Variants in DNAH11 observed in about 807,000 individuals in gnomAD.
DNAH11 encodes dynein axonemal heavy chain 11.
Under a neutral mutation model 526.0 loss-of-function variants are expected in DNAH11, and 442 were observed. That is an observed-to-expected ratio of 0.84 (90% CI 0.78 to 0.91). DNAH11 has a LOEUF of 0.91. DNAH11 is among the 40% of genes least tolerant of loss of function. The probability of loss-of-function intolerance (pLI) is 0.00; values close to 1 mark genes in which losing one functional copy is unlikely to be tolerated. For synonymous variants in DNAH11, 2,461 were observed against 1,935.9 expected, an observed-to-expected ratio of 1.27 and a Z score of -7.12; for missense variants, 6,989 against 5,448.7, an observed-to-expected ratio of 1.28 and a Z score of -8.90.
intron 64 of DNAH11, among the ~76,000 whole-genome samples, chr7:21,817,791 A>G (rs931847258): frequency 1.3e-5 from 2 of 152,114 alleles, no homozygotes; most frequent in Non-Finnish European, 2.9e-5. Flanking sequence ...AAATAAAATG[A>G]TAGCTCACCA....
At chr7:21,596,889 G>T (rs1274209288) in intron 14 of DNAH11, among the ~76,000 whole-genome samples, 1 of 152,190 alleles carries the variant, frequency 6.6e-6, no homozygotes, top group African/African-American at 2.4e-5. Flanking sequence ...ATGATTATTT[G>T]TTTCCATAAG....
chr7:21,784,694 A>G (rs1003831906), intron 58 of DNAH11, among the ~76,000 whole-genome samples, 154 bp downstream of exon 58: 6 of 152,246 alleles, frequency 3.9e-5, no homozygotes, highest in Non-Finnish European at 5.9e-5. Context: ...GAAACAAACC[A>G]TTGAGGTCAT....
At chr7:21,812,136 T>C (rs966602858) in intron 63 of DNAH11, among the ~76,000 whole-genome samples, 3 of 152,272 alleles carry the variant, frequency 2.0e-5, no homozygotes, top group Admixed American at 6.5e-5. Context: ...AGTGGAATCA[T>C]CATCTACATG....
At chr7:21,644,565 G>A (rs1478390400) in intron 28 of DNAH11, among the ~76,000 whole-genome samples, 1 of 152,206 alleles carries the variant, frequency 6.6e-6, no homozygotes, top group East Asian at 1.9e-4. Flanking sequence ...TGTGGAGGAA[G>A]TGGTTGCTCC....
intron 43 of DNAH11, among the ~76,000 whole-genome samples, chr7:21,718,792 G>A (rs553417784): frequency 7.9e-5 from 12 of 152,226 alleles, no homozygotes; most frequent in African/African-American, 2.9e-4. Context: ...AAGTGAGTGT[G>A]TTACCAAATT....
intron 36 of DNAH11, among the ~76,000 whole-genome samples, chr7:21,702,071 A>G (rs542061759): frequency 6.6e-6 from 1 of 152,288 alleles, no homozygotes; most frequent in Non-Finnish European, 1.5e-5. Context: ...AAAAAATGTA[A>G]TTGGTCCCAG....
intron 30 of DNAH11, among the ~76,000 whole-genome samples, chr7:21,677,874 C>T (rs1782962325): frequency 6.6e-6 from 1 of 152,152 alleles, no homozygotes; most frequent in Non-Finnish European, 1.5e-5. Flanking sequence ...TGTATGTTTT[C>T]TTTGGGAAAA....
intron 45 of DNAH11, among the ~76,000 whole-genome samples, chr7:21,729,782 A>T (rs184448504): frequency 6.6e-6 from 1 of 152,294 alleles, no homozygotes; most frequent in South Asian, 2.1e-4. Flanking sequence ...AGTCTCTTCA[A>T]TGCAATCTAG....
Position 21,789,349 on chromosome 7 carries a change from G to A in DNAH11, c.10026+7G>A. ...TATCAGGAAAAAGCTTGTGGTGAGT[G>A]CAAACTATGACATTGAAAAGGTTCC... is the stretch of plus-strand genomic sequence containing the variant. On this transcript the variant is annotated splice_region_variant and intron_variant, in intron 61 of 81. Coordinates refer to ENST00000409508, the MANE Select transcript of DNAH11 (RefSeq NM_001277115.2). The A allele has an allele frequency of 6.4e-7, 1 of 1,555,274 alleles. No homozygotes were observed.
chr7:21,862,126 T>TC, intron 69 of DNAH11, 103 bp downstream of exon 69: 1 of 1,235,878 alleles, frequency 8.1e-7, no homozygotes, highest in East Asian at 2.7e-5. Flanking sequence ...AATAGACTTT[T>TC]TTTTTTTTTT....
rs374033085 is a variant in DNAH11, at chr7:21,750,312, C to G, written c.8888C>G (p.Ser2963Cys). The G allele has an allele frequency of 5.5e-5, 89 of 1,605,634 alleles. No individual in the cohort carries two copies. Among genetic ancestry groups the G allele is most frequent in the Non-Finnish European group, 6.7e-5 (79 of 1,175,974 alleles). The part of the protein sequence containing the change: ...NEVHALGMVD[S>C]RENCWKFFMA... ...GTTCATGCTCTGGGCATGGTAGACT[C>G]CAGGGAAAACTGTTGGAAATTCTTT... Residue 2963 changes from serine (S) to cysteine (C), a missense_variant, in exon 54 of 82, where the codon TCC (serine) becomes TGC (cysteine). Ser to Cys is a moderately radical substitution (Grantham distance 112). Transcript: ENST00000409508.
At chr7:21,780,258 G>A (rs1787879828) in intron 57 of DNAH11, among the ~76,000 whole-genome samples, 1 of 152,094 alleles carries the variant, frequency 6.6e-6, no homozygotes, top group Non-Finnish European at 1.5e-5. Flanking sequence ...GTCCTTAAAA[G>A]TATATTATTG....
chr7:21,593,288 A>G (rs1420068529), intron 14 of DNAH11, among the ~76,000 whole-genome samples: 4 of 152,184 alleles, frequency 2.6e-5, no homozygotes, highest in African/African-American at 7.2e-5. Context: ...ATCTGGCAGC[A>G]CGGAAGTCAT....
At chr7:21,775,271 A>T (rs1787624103) in intron 56 of DNAH11, among the ~76,000 whole-genome samples, 2 of 152,112 alleles carry the variant, frequency 1.3e-5, no homozygotes, top group African/African-American at 4.8e-5. Flanking sequence ...GTTTCTAGGA[A>T]ACCCACAAAT....
At chr7:21,703,198 A>G (rs1281116797) in intron 37 of DNAH11, among the ~76,000 whole-genome samples, 1 of 152,212 alleles carries the variant, frequency 6.6e-6, no homozygotes, top group African/African-American at 2.4e-5. Flanking sequence ...GGGACCTAAG[A>G]TGGACATGCA....
chr7:21,704,710 T>C, intron 38 of DNAH11, 82 bp downstream of exon 38: 1 of 1,455,186 alleles, frequency 6.9e-7, no homozygotes, highest in Non-Finnish European at 9.2e-7. Flanking sequence ...TAAAGCAAGA[T>C]GTTAACTTGT....
chr7:21,760,015 C>T (rs182328997), intron 54 of DNAH11, among the ~76,000 whole-genome samples: 5 of 152,254 alleles, frequency 3.3e-5, no homozygotes, highest in Non-Finnish European at 5.9e-5. Context: ...AAGAGCACAG[C>T]TGCCAGAGGC....
chr7:21,826,672 C>T (rs1425303820), intron 65 of DNAH11, among the ~76,000 whole-genome samples: 1 of 151,588 alleles, frequency 6.6e-6, no homozygotes, highest in East Asian at 1.9e-4. Flanking sequence ...ATTGTAAAGA[C>T]AAGAGATAGC....
Position 21,789,796 on chromosome 7 carries a change from TC to T in DNAH11, c.10026+455del, listed in dbSNP as rs372309344. The stretch of plus-strand genomic sequence containing the variant: ...TTCTTTCTTTCTTTCTTTCTTTCTT[TC>T]TTTCTTTCTTTTTTCTTTCTTTCTT... On this transcript the variant is annotated intron_variant, in intron 61 of 81. Coordinates refer to ENST00000409508, the MANE Select transcript of DNAH11 (RefSeq NM_001277115.2). Among the ~76,000 whole-genome samples the T allele has an allele frequency of 1.6e-4, 11 of 70,720 alleles. No homozygotes were observed. In the East Asian group the frequency reaches 1.7e-3, roughly 11 times the overall value. 46.4% of individuals were successfully genotyped at this position (70,720 alleles called of 152,430 possible).
Sources: gnomAD v4.1 joint callset for allele counts (sites outside exome capture counted in the v4.1 genomes callset) on GRCh38, gnomAD v4.1.1 for gene constraint, MANE v1.5 for transcripts, NCBI Gene and HGNC (gene_info 2026-07-23, HGNC 2026-07-21) for gene names.